MECOM: variants seen among roughly 807,000 people sequenced by gnomAD.
MECOM encodes histone-lysine N-methyltransferase MECOM.
MECOM carries 13 observed loss-of-function variants against 116.3 expected under a neutral mutation model. The observed-to-expected ratio is 0.11, with a 90% CI of 0.07 to 0.18. The LOEUF (loss-of-function observed/expected upper bound fraction) is 0.18, where lower values mean the gene tolerates loss of function less well. Among genes scored for constraint, MECOM ranks in the 10% least tolerant of loss-of-function variants. The pLI is 1.00. For missense variants in MECOM, 1,299 were observed against 1,509.0 expected, an observed-to-expected ratio of 0.86 and a Z score of 2.31; for synonymous variants, 528 against 535.2, an observed-to-expected ratio of 0.99 and a Z score of 0.19.
chr3:169,167,474 A>T (rs557669582), intron 2 of MECOM, among the ~76,000 whole-genome samples: 1 of 152,198 alleles, frequency 6.6e-6, no homozygotes, highest in Non-Finnish European at 1.5e-5. Context: ...CGCATGATGG[A>T]AGAAAAGACA....
chr3:169,615,999 C>T (rs988150074), intron 1 of MECOM, among the ~76,000 whole-genome samples: 2 of 152,216 alleles, frequency 1.3e-5, no homozygotes, highest in Non-Finnish European at 2.9e-5. Flanking sequence ...TGGCTCCTTT[C>T]CAAATCTTCG....
intron 2 of MECOM, among the ~76,000 whole-genome samples, chr3:169,198,317 A>C (rs1340171022): frequency 1.3e-5 from 2 of 151,996 alleles, no homozygotes; most frequent in African/African-American, 4.8e-5. Flanking sequence ...TCAAACTTTC[A>C]CTTCACATTG....
chr3:169,127,789 C>A (rs940308436), intron 5 of MECOM, 55 bp downstream of exon 5: 14 of 1,509,280 alleles, frequency 9.3e-6, no homozygotes, highest in Non-Finnish European at 1.3e-5. Flanking sequence ...CAAAATTCAG[C>A]ATAACATTGC....
chr3:169,130,916 C>A (rs1051545518), intron 4 of MECOM, among the ~76,000 whole-genome samples: 1 of 152,140 alleles, frequency 6.6e-6, no homozygotes, highest in African/African-American at 2.4e-5. Flanking sequence ...GAATAGGCCT[C>A]TGGCAAATAA....
At chr3:169,402,617 T>G (rs1179976321) in intron 1 of MECOM, among the ~76,000 whole-genome samples, 1 of 151,906 alleles carries the variant, frequency 6.6e-6, no homozygotes, top group Non-Finnish European at 1.5e-5. Context: ...GATTGCACCA[T>G]TGCACTCCAG....
chr3:169,277,675 T>A (rs1560079031), intron 2 of MECOM, among the ~76,000 whole-genome samples: 1 of 152,182 alleles, frequency 6.6e-6, no homozygotes, highest in Non-Finnish European at 1.5e-5. Context: ...AAGCTTCCTT[T>A]GAAGACAGGC....
At chr3:169,483,410 C>G (rs1751674717) in intron 1 of MECOM, among the ~76,000 whole-genome samples, 2 of 146,382 alleles carry the variant, frequency 1.4e-5, no homozygotes. Flanking sequence ...TCCACACCCG[C>G]ATCTGCCTCC....
intron 1 of MECOM, among the ~76,000 whole-genome samples, chr3:169,536,661 C>T (rs1440382014): frequency 1.3e-5 from 2 of 152,168 alleles, no homozygotes; most frequent in African/African-American, 4.8e-5. Flanking sequence ...AATCCACACT[C>T]AAGCTCTGTG....
At chr3:169,642,422 G>A (rs933606) in intron 1 of MECOM, among the ~76,000 whole-genome samples, 4,596 of 149,692 alleles carry the variant, frequency 0.031, 236 homozygotes, top group African/African-American at 0.11. Flanking sequence ...CCTCCAGCCC[G>A]GGCAACAGAG....
intron 2 of MECOM, among the ~76,000 whole-genome samples, chr3:169,165,858 T>TA (rs771713201): frequency 6.6e-6 from 1 of 152,170 alleles, no homozygotes; most frequent in Admixed American, 6.5e-5. Context: ...GTTATTTTTT[T>TA]AAAAAATGTT....
At chr3:169,514,730 G>C (rs1299855541) in intron 1 of MECOM, among the ~76,000 whole-genome samples, 1 of 152,176 alleles carries the variant, frequency 6.6e-6, no homozygotes, top group African/African-American at 2.4e-5. Flanking sequence ...CATAGCAGAT[G>C]CCCGATGAAT....
chr3:169,316,896 T>C (rs1719840964), intron 2 of MECOM, among the ~76,000 whole-genome samples: 1 of 152,180 alleles, frequency 6.6e-6, no homozygotes, highest in Admixed American at 6.5e-5. Context: ...TGTGTGTCAT[T>C]AGTTAAAAGA....
chr3:169,292,064 A>G (rs564070472), intron 2 of MECOM, among the ~76,000 whole-genome samples: 1 of 152,230 alleles, frequency 6.6e-6, no homozygotes, highest in African/African-American at 2.4e-5. Flanking sequence ...TATTTTAAAG[A>G]GATTGGGGCT....
rs143805635 is a variant in MECOM, at chr3:169,243,587, C to T, written c.376-99755G>A. ...ATACTTCCAAACAGGTTTTTTCCCC[C>T]GTCTGATTGAATAAACTATTTAATT... On this transcript the variant is annotated intron_variant, in intron 2 of 16. Transcript: ENST00000651503. Among the ~76,000 whole-genome samples, 5 of 152,102 alleles carry T rather than the reference C, an allele frequency of 3.3e-5. No homozygotes were observed. The East Asian group carries it at 7.7e-4, about 23-fold the overall frequency.
intron 1 of MECOM, among the ~76,000 whole-genome samples, chr3:169,629,120 AT>A (rs11284881): frequency 0.47 from 63,177 of 135,292 alleles, 14,363 homozygotes; most frequent in East Asian, 0.63. Flanking sequence ...GCTGCTTGAA[AT>A]TTTTTTTTTT....
intron 1 of MECOM, among the ~76,000 whole-genome samples, chr3:169,525,702 G>A (rs1757880565): frequency 6.6e-6 from 1 of 152,176 alleles, no homozygotes; most frequent in Non-Finnish European, 1.5e-5. Flanking sequence ...CATATCCTGT[G>A]TAAACTCAGA....
intron 1 of MECOM, among the ~76,000 whole-genome samples, chr3:169,440,726 T>A (rs1383182906): frequency 6.6e-6 from 1 of 152,182 alleles, no homozygotes; most frequent in East Asian, 1.9e-4. Flanking sequence ...CCAAAGCTTC[T>A]GAAGGAAACA....
chr3:169,609,101 C>T (rs1415015651), intron 1 of MECOM, among the ~76,000 whole-genome samples: 1 of 152,138 alleles, frequency 6.6e-6, no homozygotes, highest in Non-Finnish European at 1.5e-5. Flanking sequence ...TTACAAAAGC[C>T]ATATCTCTTC....
At chr3:169,085,180 G>A in intron 16 of MECOM, 137 bp from the exon 17 acceptor site, 1 of 1,145,586 alleles carries the variant, frequency 8.7e-7, no homozygotes, top group Non-Finnish European at 1.2e-6. Flanking sequence ...GGCAAAGAAG[G>A]CATATTTTTT....
Sources: allele counts gnomAD v4.1 joint callset (sites outside exome capture counted in the v4.1 genomes callset), GRCh38; gene constraint gnomAD v4.1.1; transcripts MANE v1.5; gene names NCBI Gene and HGNC (gene_info 2026-07-23, HGNC 2026-07-21).